Variants in UNC13C observed in about 807,000 individuals in gnomAD.
The protein encoded by UNC13C is unc-13 homolog C.
A neutral mutation model predicts 245.4 loss-of-function variants in UNC13C; 174 were observed. That is an observed-to-expected ratio of 0.71 (90% CI 0.63 to 0.80). UNC13C has a LOEUF of 0.80. Among genes scored for constraint, UNC13C ranks in the 30% least tolerant of loss-of-function variants. UNC13C has a pLI of 0.00. For missense variants in UNC13C, 2,829 were observed against 2,602.9 expected, an observed-to-expected ratio of 1.09 and a Z score of -1.89; for synonymous variants, 992 against 895.1, an observed-to-expected ratio of 1.11 and a Z score of -1.93.
At chr15:54,242,279 C>T (rs1051936493) in intron 7 of UNC13C, among the ~76,000 whole-genome samples, 2 of 152,018 alleles carry the variant, frequency 1.3e-5, no homozygotes, top group Non-Finnish European at 2.9e-5. Context: ...GAATATGGTA[C>T]TTATTTTGAG....
chr15:53,902,706 A>G, the UNC13C span, among the ~76,000 whole-genome samples: 1 of 152,226 alleles, frequency 6.6e-6, no homozygotes, highest in African/African-American at 2.4e-5. Context: ...GAAGCAAAAA[A>G]TTTGGAATGA....
intron 4 of UNC13C, among the ~76,000 whole-genome samples, chr15:54,219,627 C>T (rs1378546787): frequency 6.6e-6 from 1 of 150,514 alleles, no homozygotes; most frequent in Non-Finnish European, 1.5e-5. Flanking sequence ...AGAGCTTCTG[C>T]ACAGCAAAAG....
At chr15:54,610,700 A>G (rs1359350365) in intron 30 of UNC13C, among the ~76,000 whole-genome samples, 2 of 152,198 alleles carry the variant, frequency 1.3e-5, no homozygotes, top group Non-Finnish European at 2.9e-5. Context: ...GGTAAGAACT[A>G]TTACTCCTAT....
chr15:53,954,985 G>A, the UNC13C span, among the ~76,000 whole-genome samples: 13 of 152,248 alleles, frequency 8.5e-5, no homozygotes, highest in Middle Eastern at 6.8e-3. Flanking sequence ...GCTAAGAAAT[G>A]AGCTGGCTAG....
At chr15:54,551,013 C>A (rs554452011) in intron 28 of UNC13C, among the ~76,000 whole-genome samples, 1 of 152,248 alleles carries the variant, frequency 6.6e-6, no homozygotes, top group South Asian at 2.1e-4. Flanking sequence ...TCAGCTAGAA[C>A]TATTTCATTT....
chr15:53,984,779 C>G (rs998517007), intron 1 of UNC13C, among the ~76,000 whole-genome samples: 5 of 151,962 alleles, frequency 3.3e-5, no homozygotes, highest in African/African-American at 1.2e-4. Flanking sequence ...AAAAATAATT[C>G]AAGTCAGAAG....
intron 19 of UNC13C, among the ~76,000 whole-genome samples, chr15:54,479,037 A>G (rs1357883205): frequency 6.6e-6 from 1 of 151,862 alleles, no homozygotes; most frequent in East Asian, 1.9e-4. Context: ...CTCTCCTGGC[A>G]CCATTATTGA....
chr15:54,607,631 C>T (rs1317045200), intron 30 of UNC13C, among the ~76,000 whole-genome samples: 1 of 152,162 alleles, frequency 6.6e-6, no homozygotes, highest in African/African-American at 2.4e-5. Context: ...GGTTAATTGA[C>T]TCAGTTATGC....
At chr15:54,592,132 C>G (rs560324605) in intron 30 of UNC13C, among the ~76,000 whole-genome samples, 1 of 152,072 alleles carries the variant, frequency 6.6e-6, no homozygotes, top group Admixed American at 6.6e-5. Flanking sequence ...AGTTTAGTTC[C>G]AGTTTTATTC....
chr15:54,040,015 A>G (rs1312792803), intron 2 of UNC13C, among the ~76,000 whole-genome samples: 1 of 151,654 alleles, frequency 6.6e-6, no homozygotes, highest in Non-Finnish European at 1.5e-5. Flanking sequence ...CATTTTACTC[A>G]GAGAACAAGC....
chr15:54,149,371 A>G (rs1230446745), intron 4 of UNC13C, among the ~76,000 whole-genome samples: 1 of 152,330 alleles, frequency 6.6e-6, no homozygotes, highest in East Asian at 1.9e-4. Flanking sequence ...GGAGTTCACT[A>G]TAGAGTTAGG....
At chr15:54,063,342 G>T (rs1022502815) in intron 2 of UNC13C, among the ~76,000 whole-genome samples, 2 of 152,124 alleles carry the variant, frequency 1.3e-5, no homozygotes, top group East Asian at 3.9e-4. Context: ...GTGGGGAAGG[G>T]GGCGATAGGC....
chr15:54,075,483 CG>C (rs1898559133), intron 2 of UNC13C, among the ~76,000 whole-genome samples: 2 of 123,698 alleles, frequency 1.6e-5, no homozygotes, highest in African/African-American at 8.0e-5. Flanking sequence ...TGCAGTGAGC[CG>C]GAGCTTGCAG....
intron 2 of UNC13C, among the ~76,000 whole-genome samples, chr15:54,109,492 C>T (rs1900655737): frequency 6.6e-6 from 1 of 151,424 alleles, no homozygotes; most frequent in African/African-American, 2.4e-5. Context: ...CAGGCATGCA[C>T]CACCACGCCC....
chr15:54,028,761 G>A (rs1896230645), intron 2 of UNC13C, among the ~76,000 whole-genome samples: 1 of 130,870 alleles, frequency 7.6e-6, no homozygotes, highest in Non-Finnish European at 1.5e-5. Context: ...CCCAATCTTG[G>A]CTCACCGCAA....
chr15:54,009,560 T>G (rs1432811748), intron 1 of UNC13C, among the ~76,000 whole-genome samples: 3 of 151,852 alleles, frequency 2.0e-5, no homozygotes, highest in Non-Finnish European at 4.4e-5. Flanking sequence ...CTTTTTTTTT[T>G]TTGTTGAGAT....
intron 1 of UNC13C, among the ~76,000 whole-genome samples, chr15:54,001,533 T>C (rs925492434): frequency 6.6e-6 from 1 of 152,164 alleles, no homozygotes; most frequent in Non-Finnish European, 1.5e-5. Flanking sequence ...TCTGTGTCAC[T>C]GTGGTGATTT....
intron 1 of UNC13C, among the ~76,000 whole-genome samples, chr15:54,007,735 C>A (rs542252862): frequency 6.6e-6 from 1 of 152,262 alleles, no homozygotes; most frequent in East Asian, 1.9e-4. Context: ...ATGTAACAAA[C>A]CTGCACATCC....
At chr15:54,274,288 T>A (rs973310467) in intron 10 of UNC13C, among the ~76,000 whole-genome samples, 1 of 152,202 alleles carries the variant, frequency 6.6e-6, no homozygotes, top group East Asian at 1.9e-4. Flanking sequence ...AGGTAAGCAA[T>A]GTGTTGAAGA....
Sources: allele counts gnomAD v4.1 joint callset (sites outside exome capture counted in the v4.1 genomes callset), GRCh38; gene constraint gnomAD v4.1.1; transcripts MANE v1.5; gene names NCBI Gene and HGNC (gene_info 2026-07-23, HGNC 2026-07-21).